TFAP4: variants seen among roughly 807,000 people sequenced by gnomAD.
The protein encoded by TFAP4 is activating enhancer-binding protein 4.
In TFAP4, 7 loss-of-function variants were observed where a neutral mutation model predicts 40.4. The ratio of observed to expected loss-of-function variants is 0.17; its 90% CI spans 0.10 to 0.33. The LOEUF (loss-of-function observed/expected upper bound fraction) is 0.33, where lower values mean the gene tolerates loss of function less well. TFAP4 is among the 10% of genes least tolerant of loss of function. The pLI is 1.00. For synonymous variants in TFAP4, 218 were observed against 181.4 expected (o/e 1.20, Z -1.62); for missense variants, 374 against 451.1 (o/e 0.83, Z 1.55).
At position 4,262,681 on chromosome 16, in the gene TFAP4, G is replaced by A. The variant is rs372159354; in HGVS notation, c.110C>T (p.Thr37Ile). ...GLCSLANIPLTPETQRDQERR... is the reference protein window; with the variant it reads ...GLCSLANIPLIPETQRDQERR... ...CTCCTGGTCCCGCTGAGTCTCGGGG[G>A]TTAGTGGAATGTTGGCAAGGCTGCC... is the stretch of plus-strand genomic sequence containing the variant. Residue 37 changes from threonine (T) to isoleucine (I), a missense_variant, in exon 2 of 7, where the codon ACC (threonine) becomes ATC (isoleucine). This residue lies in a region of TFAP4 where 51 missense variants were observed against 59.3 expected (regional missense o/e 0.86). Transcript: ENST00000204517. 9 of 1,609,536 alleles carry A rather than the reference G, an allele frequency of 5.6e-6. No homozygotes were observed. The highest frequency in any genetic ancestry group is 7.6e-6 in the Non-Finnish European group (9 of 1,179,986).
At chr16:4,262,250 T>G in intron 3 of TFAP4, 74 bp downstream of exon 3, 1 of 1,506,960 alleles carries the variant, frequency 6.6e-7, no homozygotes, top group East Asian at 2.3e-5. Flanking sequence ...CAGCCACACC[T>G]GAGTCCCAGG....
intron 1 of TFAP4, among the ~76,000 whole-genome samples, chr16:4,267,895 C>G (rs1448949044): frequency 6.6e-6 from 1 of 152,216 alleles, no homozygotes; most frequent in Admixed American, 6.5e-5. Flanking sequence ...CCTGGCCAGT[C>G]TGCTGCCCTT....
intron 3 of TFAP4, 126 bp downstream of exon 3, chr16:4,262,198 A>G: frequency 8.5e-7 from 1 of 1,182,576 alleles, no homozygotes; most frequent in African/African-American, 1.5e-5. Context: ...GGCAGGAAAA[A>G]AAGTGCCTGG....
At chr16:4,269,783 C>T (rs898123044) in intron 1 of TFAP4, among the ~76,000 whole-genome samples, 2 of 151,054 alleles carry the variant, frequency 1.3e-5, no homozygotes, top group African/African-American at 2.4e-5. Flanking sequence ...GCACTCCAGC[C>T]TGTGCGACAG....
rs768247184 is a variant in TFAP4, at chr16:4,260,588, G to A, written c.533C>T (p.Ser178Leu). ...TTCCGGGTACATGTGGGCCTCCAGCGAGCGCACCTGGAGGCAGGACAACCT... is the reference window on the plus strand; with the variant it reads ...TTCCGGGTACATGTGGGCCTCCAGCAAGCGCACCTGGAGGCAGGACAACCT... ...VRMMLEEQVRSLEAHMYPEKL... is the reference protein window; with the variant it reads ...VRMMLEEQVRLLEAHMYPEKL... The change falls in exon 5 of 7, where the codon TCG (serine) becomes TTG (leucine). Residue 178 changes from serine (S) to leucine (L), a missense_variant. This residue lies in a region of TFAP4 where 161 missense variants were observed against 154.2 expected (regional missense o/e 1.04). Coordinates refer to ENST00000204517, the MANE Select transcript of TFAP4 (RefSeq NM_003223.3). 7.5e-6 allele frequency: 12 copies of A among 1,602,412 alleles called. No individual in the cohort carries two copies. The highest frequency in any genetic ancestry group is 5.6e-5 in the South Asian group (5 of 89,738).
chr16:4,271,924 C>A (rs1008572869), intron 1 of TFAP4, among the ~76,000 whole-genome samples: 2 of 152,188 alleles, frequency 1.3e-5, no homozygotes, highest in Non-Finnish European at 2.9e-5. Context: ...AACTACAGCT[C>A]CCGCGAGGCC....
At position 4,260,237 on chromosome 16, in the gene TFAP4, G is replaced by A. The variant is rs1234052936; in HGVS notation, c.675C>T (p.Pro225=). The stretch of plus-strand genomic sequence containing the variant: ...TGGGGTGGTGGGTGGGGGCCGGAGG[G>A]GGCAGAAGCTGCAAGACAGAGGCCC... ...EQQQLRTQLL[P]PPAPTHHPTV... is the part of the protein sequence containing the mutation. The change falls in exon 6 of 7, where the codon CCC becomes CCT. Residue 225 remains proline, a synonymous_variant. Coordinates refer to ENST00000204517, the MANE Select transcript of TFAP4 (RefSeq NM_003223.3). 6 of 1,563,112 alleles carry A rather than the reference G, an allele frequency of 3.8e-6. No individual in the cohort carries two copies. In the African/African-American group the frequency reaches 8.3e-5, roughly 22 times the overall value.
intron 1 of TFAP4, among the ~76,000 whole-genome samples, chr16:4,270,873 C>T (rs1032317953): frequency 6.6e-6 from 1 of 152,200 alleles, no homozygotes; most frequent in Non-Finnish European, 1.5e-5. Flanking sequence ...CAGCAGCAAC[C>T]CCAGGACAAG....
At chr16:4,262,208 G>A in intron 3 of TFAP4, 116 bp downstream of exon 3, 2 of 1,249,880 alleles carry the variant, frequency 1.6e-6, no homozygotes, top group Admixed American at 3.6e-5. Context: ...AAAGTGCCTG[G>A]AAGTACTTGT....
rs1368517751 is a variant in TFAP4, at chr16:4,260,444, C to A, written c.666+11G>T. 2 of 1,571,636 alleles carry A rather than the reference C, an allele frequency of 1.3e-6. No individual in the cohort carries two copies. The highest frequency in any genetic ancestry group is 1.7e-6 in the Non-Finnish European group (2 of 1,159,270). On this transcript the variant is annotated intron_variant, in intron 5 of 6. Coordinates refer to ENST00000204517, the MANE Select transcript of TFAP4 (RefSeq NM_003223.3). ...GTCCCCAGAGCCCACTCCCGGGCGCCTCCTGCTCACCTGGGTCCGCAGCTG... is the reference window on the plus strand; with the variant it reads ...GTCCCCAGAGCCCACTCCCGGGCGCATCCTGCTCACCTGGGTCCGCAGCTG...
rs1365015489 is a variant in TFAP4, at chr16:4,258,167, C to G, written c.905G>C (p.Arg302Pro). Residue 302 changes from arginine to proline, a missense_variant, in exon 7 of 7, where the codon CGC becomes CCC. By Grantham distance (103) the Arg-to-Pro change is moderately radical. Coordinates refer to ENST00000204517, the MANE Select transcript of TFAP4 (RefSeq NM_003223.3). ...QRRAVIVKPV[R>P]SCPEAPTSDT... ...AGAGGTGGGGGCCTCCGGGCAGCTG[C>G]GGACAGGCTTCACGATGACAGCTCG... 1 of 1,613,916 alleles carries G rather than the reference C, an allele frequency of 6.2e-7. No homozygotes were observed. Among genetic ancestry groups the G allele is most frequent in the South Asian group, 1.1e-5 (1 of 91,058 alleles).
At chr16:4,270,630 T>C (rs754381909) in intron 1 of TFAP4, among the ~76,000 whole-genome samples, 48 of 152,340 alleles carry the variant, frequency 3.2e-4, no homozygotes, top group Non-Finnish European at 6.0e-4. Flanking sequence ...TTCAAGTCCT[T>C]GGCCTACCAA....
chr16:4,259,413 G>A (rs1399335459), intron 6 of TFAP4, among the ~76,000 whole-genome samples: 2 of 152,146 alleles, frequency 1.3e-5, no homozygotes, highest in Middle Eastern at 3.2e-3. Context: ...GGGATTGCAG[G>A]TGTGAGCCAC....
chr16:4,263,383 A>T (rs1345855021), intron 1 of TFAP4: 1 of 152,188 alleles, frequency 6.6e-6, no homozygotes, highest in Non-Finnish European at 1.5e-5. Context: ...CGGGATGCAG[A>T]CGACATTCAG....
chr16:4,260,126 AAC>A lies in TFAP4; in HGVS notation c.784_785del (p.Val262PhefsTer49). The A allele has an allele frequency of 6.2e-7, 1 of 1,611,058 alleles. No individual in the cohort carries two copies. Among genetic ancestry groups the A allele is most frequent in the Non-Finnish European group, 8.5e-7 (1 of 1,179,072 alleles). The part of the protein sequence containing the change: ...TMGPSSVINS[V>X]STSRQNLDTI... ...TGTCCAGATTTTGCCGGGATGTGGA[AAC>A]AGAGTTGATGACCGAGGAGGGGCCC... On this transcript the variant is annotated frameshift_variant, in exon 6 of 7. Coordinates refer to ENST00000204517, the MANE Select transcript of TFAP4 (RefSeq NM_003223.3). LOFTEE classifies it high-confidence loss of function.
intron 1 of TFAP4, among the ~76,000 whole-genome samples, chr16:4,269,227 C>G (rs1254094248): frequency 6.6e-6 from 1 of 151,344 alleles, no homozygotes; most frequent in Admixed American, 6.6e-5. Flanking sequence ...GGCGCGGTGG[C>G]TCACGCCTGT....
rs368414950 is a variant in TFAP4, at chr16:4,260,244, A to T, written c.668T>A (p.Leu223His). 1.9e-6 allele frequency: 3 copies of T among 1,563,656 alleles called. No individual in the cohort carries two copies. In the African/African-American group the frequency reaches 4.1e-5, roughly 22 times the overall value. The change falls in exon 6 of 7, where the codon CTT (leucine) becomes CAT (histidine). Residue 223 changes from leucine to histidine, a missense_variant and splice_region_variant. Leu to His is a moderately conservative substitution (Grantham distance 99). Transcript: ENST00000204517. Reference protein sequence around the residue: ...EREQQQLRTQLLPPPAPTHHP... With the variant: ...EREQQQLRTQHLPPPAPTHHP... ...GTGGGTGGGGGCCGGAGGGGGCAGA[A>T]GCTGCAAGACAGAGGCCCTCAGCCT...
intron 1 of TFAP4, among the ~76,000 whole-genome samples, chr16:4,267,776 C>CA (rs757059093): frequency 9.2e-5 from 14 of 152,198 alleles, no homozygotes; most frequent in South Asian, 6.2e-4. Flanking sequence ...CTCCCAAACC[C>CA]AAAAAAGCAC....
chr16:4,270,390 G>A (rs1171516071), intron 1 of TFAP4, among the ~76,000 whole-genome samples: 2 of 152,166 alleles, frequency 1.3e-5, no homozygotes, highest in Non-Finnish European at 2.9e-5. Context: ...GGTCACTGAG[G>A]GATGGAGCAA....
Sources: gnomAD v4.1 joint callset for allele counts (sites outside exome capture counted in the v4.1 genomes callset) on GRCh38, gnomAD v4.1.1 for gene constraint, gnomAD v4.1.1 regional missense constraint, MANE v1.5 for transcripts, NCBI Gene and HGNC (gene_info 2026-07-23, HGNC 2026-07-21) for gene names.